Variants in ZNF362 observed in about 807,000 individuals in gnomAD.
ZNF362 encodes the protein zinc finger protein 362.
In ZNF362, 11 loss-of-function variants were observed where a neutral mutation model predicts 42.9. The ratio of observed to expected loss-of-function variants is 0.26; its 90% CI spans 0.16 to 0.42. ZNF362 has a LOEUF of 0.42. Among genes scored for constraint, ZNF362 ranks in the 20% least tolerant of loss-of-function variants. The probability of loss-of-function intolerance (pLI) is 1.00; values close to 1 mark genes in which losing one functional copy is unlikely to be tolerated. For synonymous variants in ZNF362, 255 were observed against 257.3 expected (o/e 0.99, Z 0.09); for missense variants, 362 against 576.2 (o/e 0.63, Z 3.81).
chr1:33,180,227 C>T, the ZNF362 span, among the ~76,000 whole-genome samples: 1 of 152,120 alleles, frequency 6.6e-6, no homozygotes, highest in African/African-American at 2.4e-5. Flanking sequence ...TCAAAAACCT[C>T]TAGAGACTCC....
chr1:33,242,454 C>T, the ZNF362 span, among the ~76,000 whole-genome samples: 2 of 152,148 alleles, frequency 1.3e-5, no homozygotes, highest in Non-Finnish European at 2.9e-5. Flanking sequence ...TCCACACTCT[C>T]TGCACATAGC....
chr1:33,294,418 T>G lies in ZNF362; in HGVS notation c.909-519T>G, dbSNP rs570226649. Among the ~76,000 whole-genome samples, 17 of 152,232 alleles carry G rather than the reference T, an allele frequency of 1.1e-4. No individual in the cohort carries two copies. The highest frequency in any genetic ancestry group is 3.4e-3 in the Middle Eastern group (1 of 294). ...AGCTTCAGGGCCATGCTGTCCCACATTCTCCCATTTACTGGGGTGACCATG... is the reference window on the plus strand; with the variant it reads ...AGCTTCAGGGCCATGCTGTCCCACAGTCTCCCATTTACTGGGGTGACCATG... On this transcript the variant is annotated intron_variant, in intron 6 of 8. Transcript: ENST00000539719. The surrounding 1 kb of genome is among the most constrained non-coding windows in gnomAD (Gnocchi z 4.2).
the ZNF362 span, chr1:33,145,741 A>G: frequency 2.5e-6 from 1 of 397,294 alleles, no homozygotes; most frequent in Non-Finnish European, 5.2e-6. Flanking sequence ...GGGCAGGGAT[A>G]GAGCCAAGGG....
intron 6 of ZNF362, among the ~76,000 whole-genome samples, chr1:33,290,060 G>C (rs1191448447): frequency 6.6e-6 from 1 of 152,138 alleles, no homozygotes; most frequent in Non-Finnish European, 1.5e-5. Flanking sequence ...TGCTGGAGGA[G>C]CTAGTGCAAG....
chr1:33,289,150 GA>G (rs1404817569), intron 6 of ZNF362, among the ~76,000 whole-genome samples: 1 of 152,156 alleles, frequency 6.6e-6, no homozygotes, highest in Non-Finnish European at 1.5e-5. Flanking sequence ...GTTGAGTACA[GA>G]GGGGTCCACA....
intron 1 of ZNF362, among the ~76,000 whole-genome samples, chr1:33,269,132 G>A (rs1455999499): frequency 1.3e-5 from 2 of 152,108 alleles, no homozygotes; most frequent in Non-Finnish European, 2.9e-5. Flanking sequence ...TGAGGCTGAG[G>A]CTGTGCAGGG....
At chr1:33,173,725 G>C in the ZNF362 span, among the ~76,000 whole-genome samples, 8 of 151,226 alleles carry the variant, frequency 5.3e-5, no homozygotes, top group Non-Finnish European at 1.0e-4. Context: ...TAGAGACAAG[G>C]GCTCACTCTA....
chr1:33,280,017 T>C lies in ZNF362; in HGVS notation c.350-107T>C, dbSNP rs974790827. ...TTAGTTACCCCTGGGTAATAACTTATGAACGTTAAGGGGATGCTCGCCTGC... is the reference window on the plus strand; with the variant it reads ...TTAGTTACCCCTGGGTAATAACTTACGAACGTTAAGGGGATGCTCGCCTGC... On this transcript the variant is annotated intron_variant, in intron 4 of 8. Coordinates refer to ENST00000539719, the MANE Select transcript of ZNF362 (RefSeq NM_152493.3). The surrounding 1 kb of genome is among the most constrained non-coding windows in gnomAD (Gnocchi z 5.6). 70 of 1,341,252 alleles carry C rather than the reference T, an allele frequency of 5.2e-5. No individual in the cohort carries two copies. Among genetic ancestry groups the C allele is most frequent in the Middle Eastern group, 2.0e-4 (1 of 4,898 alleles). 83.1% of individuals were successfully genotyped at this position (1,341,252 alleles called of 1,614,324 possible). A position where few individuals can be genotyped will look rare whatever the true frequency, so the allele number is the denominator to read the frequency against.
the ZNF362 span, among the ~76,000 whole-genome samples, chr1:33,150,722 G>A: frequency 1.0e-3 from 153 of 152,292 alleles, no homozygotes; most frequent in African/African-American, 3.6e-3. Flanking sequence ...TTCCCACAGT[G>A]GGGTCGGGAG....
chr1:33,136,289 CCTTTCTTTCTTTTTCTTT>C, the ZNF362 span, among the ~76,000 whole-genome samples: 4,859 of 149,530 alleles, frequency 0.032, 120 homozygotes, highest in Non-Finnish European at 0.053. Context: ...CTCTTCCTTT[CCTTTCTTTCTTTTTCTTT>C]CTTTCTTTCT....
At chr1:33,181,212 C>A in the ZNF362 span, 2 of 1,580,678 alleles carry the variant, frequency 1.3e-6, no homozygotes, top group Admixed American at 1.8e-5. The surrounding 1 kb of genome is among the most constrained non-coding windows in gnomAD (Gnocchi z 6.5). Context: ...GGAGCTGTAG[C>A]GCTCCACGAT....
At chr1:33,136,795 G>A in the ZNF362 span, among the ~76,000 whole-genome samples, 1 of 151,296 alleles carries the variant, frequency 6.6e-6, no homozygotes, top group Admixed American at 6.6e-5. Flanking sequence ...TCAGGAGTCC[G>A]AGACCAGCCT....
At chr1:33,279,546 TTGA>T (rs1645975448) in intron 4 of ZNF362, among the ~76,000 whole-genome samples, 1 of 152,124 alleles carries the variant, frequency 6.6e-6, no homozygotes, top group South Asian at 2.1e-4. Flanking sequence ...TTTGCTTCAG[TTGA>T]TATTATGTTT....
intron 6 of ZNF362, among the ~76,000 whole-genome samples, chr1:33,291,257 G>C (rs1646076203): frequency 6.6e-6 from 1 of 152,104 alleles, no homozygotes; most frequent in African/African-American, 2.4e-5. Flanking sequence ...TGTAAGGAAG[G>C]GATCCAGTTT....
chr1:33,179,654 C>T, the ZNF362 span, among the ~76,000 whole-genome samples: 8 of 152,230 alleles, frequency 5.3e-5, 1 homozygote, highest in South Asian at 4.1e-4. Context: ...GTACTGTGGG[C>T]CAGGCCTTGC....
intron 1 of ZNF362, among the ~76,000 whole-genome samples, chr1:33,269,250 C>T (rs988071928): frequency 2.1e-4 from 32 of 152,278 alleles, no homozygotes; most frequent in Non-Finnish European, 3.2e-4. Context: ...CTACCAACTA[C>T]TTTCTTTCAT....
chr1:33,172,182 C>T, the ZNF362 span, among the ~76,000 whole-genome samples: 1 of 152,184 alleles, frequency 6.6e-6, no homozygotes, highest in Non-Finnish European at 1.5e-5. Context: ...AGGGTGAGCT[C>T]AATCAATCTT....
the ZNF362 span, among the ~76,000 whole-genome samples, chr1:33,193,004 C>CACACACACACACATATATAT: frequency 3.2e-4 from 44 of 137,292 alleles, no homozygotes; most frequent in South Asian, 2.8e-3. Flanking sequence ...CACACACACA[C>CACACACACACACATATATAT]ATATATATAT....
the ZNF362 span, among the ~76,000 whole-genome samples, chr1:33,215,367 G>T: frequency 3.9e-5 from 6 of 152,082 alleles, no homozygotes; most frequent in African/African-American, 1.4e-4. Flanking sequence ...GGGGTAGGGT[G>T]GGGTAGGGGA....
Sources: allele counts gnomAD v4.1 joint callset (sites outside exome capture counted in the v4.1 genomes callset), GRCh38; gene constraint gnomAD v4.1.1; non-coding constraint Gnocchi (gnomAD v3.1); transcripts MANE v1.5; gene names NCBI Gene and HGNC (gene_info 2026-07-23, HGNC 2026-07-21).